CENPP: variants seen among roughly 807,000 people sequenced by gnomAD.
CENPP encodes centromere protein P.
A neutral mutation model predicts 35.6 loss-of-function variants in CENPP; 24 were observed. The observed-to-expected ratio is 0.67, with a 90% CI of 0.49 to 0.95. The LOEUF is 0.95. Ranked by LOEUF, CENPP falls within the 40% of genes least tolerant of loss-of-function variation. The pLI is 0.00. For synonymous variants in CENPP, 120 were observed against 125.5 expected, an observed-to-expected ratio of 0.96 and a Z score of 0.29; for missense variants, 332 against 345.3, an observed-to-expected ratio of 0.96 and a Z score of 0.31.
At position 92,615,787 on chromosome 9, in the gene CENPP, G is replaced by A. The variant is rs753743419; in HGVS notation, c.*2638G>A. 2.1e-6 allele frequency: 3 copies of A among 1,432,128 alleles called. No homozygotes were observed. The highest frequency in any genetic ancestry group is 3.0e-6 in the Non-Finnish European group (3 of 1,016,724). 88.7% of individuals were successfully genotyped at this position (1,432,128 alleles called of 1,614,324 possible). A position where few individuals can be genotyped will look rare whatever the true frequency, so the allele number is the denominator to read the frequency against. On this transcript the variant is annotated 3_prime_UTR_variant, in exon 8 of 8. Transcript: ENST00000375587. ...CAACAGAAAATATCTCTATCATTCA[G>A]CCTTCACATTATGTTCAAGTTTCAA...
chr9:92,551,942 T>TA (rs796510916), intron 5 of CENPP, among the ~76,000 whole-genome samples: 10,671 of 79,476 alleles, frequency 0.13, 1,194 homozygotes, highest in African/African-American at 0.29. Flanking sequence ...TATATATATA[T>TA]ATATATATAT....
In CENPP at chr9:92,560,512, G is replaced by A. The variant is rs561138096; in HGVS notation, c.565-50802G>A. Among the ~76,000 whole-genome samples the A allele has an allele frequency of 3.9e-5, 6 of 152,304 alleles. No homozygotes were observed. The South Asian group carries it at 6.2e-4, about 16-fold the overall frequency. On this transcript the variant is annotated intron_variant, in intron 5 of 7. Transcript: ENST00000375587. ...GCCCAAGTGTTCAGTGGTGGACAGCGACTATGTCCAGGTTGGGTCACAGTG... is the reference window on the plus strand; with the variant it reads ...GCCCAAGTGTTCAGTGGTGGACAGCAACTATGTCCAGGTTGGGTCACAGTG...
Position 92,390,932 on chromosome 9 carries a change from T to C in CENPP, c.564+11073T>C, listed in dbSNP as rs1842651398. Among the ~76,000 whole-genome samples, 4 of 152,294 alleles carry C rather than the reference T, an allele frequency of 2.6e-5. No individual in the cohort carries two copies. In the South Asian group the frequency reaches 8.3e-4, roughly 32 times the overall value. On this transcript the variant is annotated intron_variant, in intron 5 of 7. Transcript: ENST00000375587. ...CACAGCCTTTTTGTGCTTGGGGATG[T>C]TAGACGTCACTTCAGCACCATGTGT...
At chr9:92,541,758 G>C (rs1276108658) in intron 5 of CENPP, among the ~76,000 whole-genome samples, 1 of 151,752 alleles carries the variant, frequency 6.6e-6, no homozygotes, top group Non-Finnish European at 1.5e-5. Flanking sequence ...AGTAAACATG[G>C]GAGTTCAGTT....
rs1163807297 is a variant in CENPP at position 92,618,542 on chromosome 9, A to G, written c.*5393A>G. On this transcript the variant is annotated 3_prime_UTR_variant, in exon 8 of 8. Coordinates refer to ENST00000375587, the MANE Select transcript of CENPP (RefSeq NM_001012267.3). The stretch of plus-strand genomic sequence containing the variant: ...GCATCCTTGGTCGGGGGGCTGCTGA[A>G]CAGTGGTATCTTCGTGGGTTTTCTC... The G allele has an allele frequency of 2.2e-6, 1 of 456,706 alleles. No individual in the cohort carries two copies. The highest frequency in any genetic ancestry group is 2.3e-5 in the Admixed American group (1 of 42,568). 28.3% of individuals were successfully genotyped at this position (456,706 alleles called of 1,614,324 possible).
intron 2 of CENPP, among the ~76,000 whole-genome samples, chr9:92,335,812 G>T (rs1409834264): frequency 6.6e-6 from 1 of 152,092 alleles, no homozygotes; most frequent in South Asian, 2.1e-4. Context: ...CTCTAAATCA[G>T]GTCATTTAAG....
At chr9:92,564,670 A>C (rs1486341433) in intron 5 of CENPP, among the ~76,000 whole-genome samples, 1 of 152,236 alleles carries the variant, frequency 6.6e-6, no homozygotes, top group Non-Finnish European at 1.5e-5. Context: ...TGAGCTAGAG[A>C]TATAAGATCC....
At chr9:92,571,019 C>CA (rs1290786956) in intron 5 of CENPP, among the ~76,000 whole-genome samples, 1 of 151,906 alleles carries the variant, frequency 6.6e-6, no homozygotes, top group African/African-American at 2.4e-5. Flanking sequence ...TTGATCTTTT[C>CA]AAAAAACCAG....
At chr9:92,527,661 G>A (rs1327037071) in intron 5 of CENPP, among the ~76,000 whole-genome samples, 1 of 152,120 alleles carries the variant, frequency 6.6e-6, no homozygotes, top group Non-Finnish European at 1.5e-5. Flanking sequence ...GGTAATGAAT[G>A]CCTTCCTCAA....
At chr9:92,332,732 C>T (rs1000270454) in intron 2 of CENPP, among the ~76,000 whole-genome samples, 7 of 151,762 alleles carry the variant, frequency 4.6e-5, no homozygotes, top group African/African-American at 9.7e-5. Flanking sequence ...CATTTGAACC[C>T]GGGAGGTGGA....
chr9:92,430,244 A>G (rs1289455803), intron 5 of CENPP, among the ~76,000 whole-genome samples: 1 of 152,118 alleles, frequency 6.6e-6, no homozygotes, highest in Admixed American at 6.5e-5. Context: ...GGAACTGCTT[A>G]TATCTTTTAT....
intron 5 of CENPP, among the ~76,000 whole-genome samples, chr9:92,567,408 A>AGATATAT (rs1588282242): frequency 6.8e-6 from 1 of 147,600 alleles, no homozygotes; most frequent in Non-Finnish European, 1.5e-5. Context: ...ATATATATAT[A>AGATATAT]AAGTGGTTAG....
At chr9:92,569,675 T>A (rs1248468000) in intron 5 of CENPP, among the ~76,000 whole-genome samples, 3 of 152,346 alleles carry the variant, frequency 2.0e-5, no homozygotes, top group African/African-American at 7.2e-5. Flanking sequence ...TTGGGCAGTA[T>A]GGCCATCTTC....
intron 5 of CENPP, chr9:92,393,312 AT>A: frequency 8.3e-7 from 1 of 1,203,772 alleles, no homozygotes; most frequent in Non-Finnish European, 1.2e-6. Flanking sequence ...TAGTAGTAAA[AT>A]TATTGCTATT....
At chr9:92,403,118 T>C in intron 5 of CENPP, 3 of 627,380 alleles carry the variant, frequency 4.8e-6, no homozygotes, top group Non-Finnish European at 5.4e-6. Flanking sequence ...TTCGTTTGAA[T>C]CATTTAAAGT....
In CENPP at chr9:92,616,128, CCTTT is replaced by C. The variant is rs1588325846; in HGVS notation, c.*2983_*2986del. On this transcript the variant is annotated 3_prime_UTR_variant, in exon 8 of 8. Transcript: ENST00000375587. The stretch of plus-strand genomic sequence containing the variant: ...ATTTCCCTCCCTCCCGTTCTCTCTC[CCTTT>C]CTTCTTTCAACTAGTATGTTTTTAT... 16 of 1,040,890 alleles carry C rather than the reference CCTTT, an allele frequency of 1.5e-5. No homozygotes were observed. The East Asian group carries it at 4.1e-4, about 27-fold the overall frequency. The allele number at this position is 1,040,890 out of a possible 1,614,324, so 64.5% of individuals were successfully genotyped here.
chr9:92,434,716 G>A (rs1056232951), intron 5 of CENPP, among the ~76,000 whole-genome samples: 5 of 152,232 alleles, frequency 3.3e-5, no homozygotes, highest in Non-Finnish European at 5.9e-5. Context: ...AAAACATCCA[G>A]AGATGCAAGA....
intron 5 of CENPP, among the ~76,000 whole-genome samples, chr9:92,395,239 G>A (rs762412894): frequency 6.6e-6 from 1 of 152,026 alleles, no homozygotes; most frequent in African/African-American, 2.4e-5. Flanking sequence ...CCTGCTTTTG[G>A]TCAGTATACA....
chr9:92,386,124 A>C, intron 5 of CENPP: 1 of 1,104,736 alleles, frequency 9.1e-7, no homozygotes, highest in Middle Eastern at 2.0e-4. Context: ...TATGTGAATA[A>C]GTGAGGTTCC....
Sources: allele counts gnomAD v4.1 joint callset (sites outside exome capture counted in the v4.1 genomes callset), GRCh38; gene constraint gnomAD v4.1.1; transcripts MANE v1.5; gene names NCBI Gene and HGNC (gene_info 2026-07-23, HGNC 2026-07-21).